Variants in APTX observed in about 807,000 individuals in gnomAD.
APTX encodes forkhead-associated domain histidine triad-like protein.
In APTX, 33 loss-of-function variants were observed where a neutral mutation model predicts 42.3. That is an observed-to-expected ratio of 0.78 (90% CI 0.59 to 1.04). APTX has a LOEUF of 1.04. APTX is among the 50% of genes least tolerant of loss of function. The probability of loss-of-function intolerance (pLI) is 0.00; values close to 1 mark genes in which losing one functional copy is unlikely to be tolerated. For synonymous variants in APTX, 130 were observed against 146.7 expected (o/e 0.89, Z 0.82); for missense variants, 421 against 415.1 (o/e 1.01, Z -0.12).
rs201912053 is a variant in APTX, at chr9:32,989,768, G to A, written c.124C>T (p.Arg42Ter). 46 of 1,614,068 alleles carry A rather than the reference G, an allele frequency of 2.8e-5. No individual in the cohort carries two copies. The highest frequency in any genetic ancestry group is 1.6e-4 in the Middle Eastern group (1 of 6,084). The change falls in exon 2 of 8, where the codon CGA becomes TGA. Residue 42 changes from arginine to a stop codon, truncating the protein, a stop_gained. Transcript: ENST00000379817. LOFTEE classifies it high-confidence loss of function. ...TTCTATGACCAGTTACCTTGCTGTC[G>A]AGAACATTTCTTATCAGTGATCTTG... is the stretch of plus-strand genomic sequence containing the variant. ...ETKITDKKCS[R>*]QQVQLKAECN...
chr9:32,992,323 G>T (rs989020932), intron 1 of APTX, among the ~76,000 whole-genome samples: 5 of 152,220 alleles, frequency 3.3e-5, no homozygotes. Flanking sequence ...GACAGCTGAG[G>T]AGATGCAAAT....
upstream of APTX, among the ~76,000 whole-genome samples, chr9:33,006,402 T>A (rs1436761146): frequency 6.6e-6 from 1 of 152,180 alleles, no homozygotes; most frequent in Admixed American, 6.5e-5. Flanking sequence ...TGCCACTGTT[T>A]CCACCCACTC....
In APTX at chr9:32,973,442, T is replaced by A. The variant is rs1828515252; in HGVS notation, c.*56A>T. 1 of 1,587,544 alleles carries A rather than the reference T, an allele frequency of 6.3e-7. No individual in the cohort carries two copies. The highest frequency in any genetic ancestry group is 1.7e-5 in the Admixed American group (1 of 59,986). On this transcript the variant is annotated 3_prime_UTR_variant, in exon 8 of 8. Coordinates refer to ENST00000379817, the MANE Select transcript of APTX (RefSeq NM_001195248.2). ...AAGTTCACAAGCAACCCAGAATAGG[T>A]GCCAGCAGTTTGCTCCAGTGGGCCA...
Position 32,977,463 on chromosome 9 carries a change from G to A in APTX, c.771-2902C>T, listed in dbSNP as rs143896488. On this transcript the variant is annotated intron_variant, in intron 6 of 7. Coordinates refer to ENST00000379817, the MANE Select transcript of APTX (RefSeq NM_001195248.2). Reference sequence around the variant, plus strand: ...CTTGACACTGTACTCCAGACTGGGAGAGAGGGTGAGACTCCCATCTCTTAA... The same window carrying A: ...CTTGACACTGTACTCCAGACTGGGAAAGAGGGTGAGACTCCCATCTCTTAA... Among the ~76,000 whole-genome samples, 715 of 152,188 alleles carry A rather than the reference G, an allele frequency of 4.7e-3. 8 individuals carry two copies. Among genetic ancestry groups the A allele is most frequent in the African/African-American group, 0.017 (685 of 41,500 alleles).
upstream of APTX, among the ~76,000 whole-genome samples, chr9:33,006,555 G>C (rs973944095): frequency 1.3e-5 from 2 of 152,122 alleles, no homozygotes; most frequent in Non-Finnish European, 2.9e-5. Context: ...GTGGTTGCCT[G>C]GTCCAGAGAC....
intron 1 of APTX, among the ~76,000 whole-genome samples, chr9:33,006,797 G>A (rs12378234): frequency 0.07 from 10,686 of 151,740 alleles, 508 homozygotes; most frequent in Non-Finnish European, 0.11. Context: ...TCAGGAGATC[G>A]AGACCATCCT....
intron 1 of APTX, among the ~76,000 whole-genome samples, chr9:33,009,485 A>G (rs1837383704): frequency 3.9e-5 from 6 of 152,084 alleles, no homozygotes; most frequent in Admixed American, 3.3e-4. Flanking sequence ...CTCCAATCCA[A>G]TCACACTGCA....
At chr9:33,004,585 C>T (rs1382482959), upstream of APTX, among the ~76,000 whole-genome samples, 2 of 151,620 alleles carry the variant, frequency 1.3e-5, no homozygotes, top group Non-Finnish European at 2.9e-5. Context: ...TACATTTCTA[C>T]CAATAGTGTA....
At chr9:32,984,897 A>G (rs1481608820) in intron 5 of APTX, 40 bp from the exon 6 acceptor site, 1 of 1,549,438 alleles carries the variant, frequency 6.5e-7, no homozygotes, top group Non-Finnish European at 8.9e-7. Flanking sequence ...GACATCTACT[A>G]AGAATCTTCT....
chr9:33,021,969 A>G (rs1018646079), intron 1 of APTX, among the ~76,000 whole-genome samples: 64 of 151,836 alleles, frequency 4.2e-4, no homozygotes, highest in African/African-American at 1.5e-3. Flanking sequence ...TTAAAAAAAA[A>G]AAAAAAAAAG....
upstream of APTX, among the ~76,000 whole-genome samples, chr9:33,002,524 C>A (rs1401997418): frequency 6.6e-6 from 1 of 152,158 alleles, no homozygotes; most frequent in Non-Finnish European, 1.5e-5. Context: ...CAGCAAGAAT[C>A]CTGTTAGGTA....
At chr9:32,973,833 T>C in intron 7 of APTX, 181 bp from the exon 8 acceptor site, 1 of 757,826 alleles carries the variant, frequency 1.3e-6, no homozygotes, top group Non-Finnish European at 2.2e-6. Context: ...AGATTATAAA[T>C]ATGAGCAACC....
Position 32,987,538 on chromosome 9 carries a change from C to A in APTX, c.483+6G>T. 6.2e-7 allele frequency: 1 copy of A among 1,613,474 alleles called. No individual in the cohort carries two copies. The highest frequency in any genetic ancestry group is 8.5e-7 in the Non-Finnish European group (1 of 1,180,020). Reference sequence around the variant, plus strand: ...CCACATCATCTACCAATCACACTACCCTCACCTTTTTGATAGGTGCATCTT... The same window carrying A: ...CCACATCATCTACCAATCACACTACACTCACCTTTTTGATAGGTGCATCTT... On this transcript the variant is annotated splice_donor_region_variant and intron_variant, in intron 4 of 7. Transcript: ENST00000379817.
At chr9:33,013,501 G>A (rs1837680078) in intron 1 of APTX, among the ~76,000 whole-genome samples, 1 of 152,172 alleles carries the variant, frequency 6.6e-6, no homozygotes, top group Non-Finnish European at 1.5e-5. Context: ...TCATGACTAG[G>A]CAGGTAGGAA....
intron 1 of APTX, among the ~76,000 whole-genome samples, chr9:33,017,626 G>A (rs778519455): frequency 1.3e-5 from 2 of 152,180 alleles, no homozygotes; most frequent in Non-Finnish European, 2.9e-5. Flanking sequence ...AACCGCCTTA[G>A]AGTCAATAAT....
intron 1 of APTX, among the ~76,000 whole-genome samples, chr9:33,022,620 T>C (rs979700874): frequency 3.3e-5 from 5 of 152,162 alleles, no homozygotes; most frequent in African/African-American, 1.2e-4. Context: ...GAAATATTCA[T>C]CAGTAGGGGA....
intron 1 of APTX, among the ~76,000 whole-genome samples, chr9:32,990,720 G>T (rs1469461411): frequency 6.6e-6 from 1 of 152,184 alleles, no homozygotes; most frequent in Non-Finnish European, 1.5e-5. Context: ...TCACGAGGAA[G>T]GGATATTAAT....
At chr9:32,973,782 AAGC>A in intron 7 of APTX, 130 bp from the exon 8 acceptor site, 2 of 1,254,358 alleles carry the variant, frequency 1.6e-6, no homozygotes, top group Non-Finnish European at 2.3e-6. Context: ...ACAGCTCCGT[AAGC>A]TTAGTTTAGA....
At chr9:32,975,380 T>C (rs1829129762) in intron 6 of APTX, among the ~76,000 whole-genome samples, 1 of 152,232 alleles carries the variant, frequency 6.6e-6, no homozygotes, top group African/African-American at 2.4e-5. Flanking sequence ...GTGGGCCTAT[T>C]TTAATTTTAT....
Sources: allele counts gnomAD v4.1 joint callset (sites outside exome capture counted in the v4.1 genomes callset), GRCh38; gene constraint gnomAD v4.1.1; transcripts MANE v1.5; gene names NCBI Gene and HGNC (gene_info 2026-07-23, HGNC 2026-07-21).